ADAM12: variants seen among roughly 807,000 people sequenced by gnomAD.
ADAM12 encodes disintegrin and metalloproteinase domain-containing protein 12.
ADAM12 carries 70 observed loss-of-function variants against 106.4 expected under a neutral mutation model. The ratio of observed to expected loss-of-function variants is 0.66; its 90% confidence interval spans 0.54 to 0.80. ADAM12 has a LOEUF of 0.80. Among genes scored for constraint, ADAM12 ranks in the 30% least tolerant of loss-of-function variants. ADAM12 has a pLI of 0.00. For synonymous variants in ADAM12, 420 were observed against 433.5 expected (o/e 0.97, Z 0.39); for missense variants, 1,010 against 1,171.9 (o/e 0.86, Z 2.02).
chr10:126,373,721 C>G (rs1020866438), intron 1 of ADAM12, among the ~76,000 whole-genome samples: 12 of 152,160 alleles, frequency 7.9e-5, no homozygotes, highest in African/African-American at 2.4e-4. Context: ...AGCTAGAAAG[C>G]CTTTCTACTA....
intron 3 of ADAM12, among the ~76,000 whole-genome samples, chr10:126,229,056 C>T (rs1958256220): frequency 6.6e-6 from 1 of 152,138 alleles, no homozygotes; most frequent in East Asian, 1.9e-4. Context: ...AAGAGAAAAA[C>T]CTGAGATGAC....
chr10:126,014,931 A>G lies in ADAM12; in HGVS notation c.*2348T>C, dbSNP rs1202065928. 1.3e-5 allele frequency: 2 copies of G among 152,174 alleles called. No homozygotes were observed. The highest frequency in any genetic ancestry group is 4.8e-5 in the African/African-American group (2 of 41,432). The allele number at this position is 152,174 out of a possible 1,614,324, so 9.4% of individuals were successfully genotyped here. On this transcript the variant is annotated 3_prime_UTR_variant, in exon 23 of 23. Transcript: ENST00000448723. The stretch of plus-strand genomic sequence containing the variant: ...CCACCCCGTGCCTCCCCCAACCACA[A>G]AACACCCTGGTTATTGGTTCCTAAG...
intron 3 of ADAM12, among the ~76,000 whole-genome samples, chr10:126,174,936 T>C (rs527693623): frequency 2.4e-4 from 36 of 152,106 alleles, no homozygotes; most frequent in African/African-American, 8.7e-4. Context: ...GTTTGCATTT[T>C]TAGTAGGGAC....
chr10:126,199,080 G>A (rs903141263), intron 3 of ADAM12, among the ~76,000 whole-genome samples: 1 of 152,052 alleles, frequency 6.6e-6, no homozygotes, highest in Non-Finnish European at 1.5e-5. Context: ...TAGGAATAAG[G>A]AATTTAAGTT....
chr10:126,192,343 T>C (rs1328487646), intron 3 of ADAM12, among the ~76,000 whole-genome samples: 1 of 152,212 alleles, frequency 6.6e-6, no homozygotes, highest in Non-Finnish European at 1.5e-5. Context: ...GTTATAGTTA[T>C]TACTAACAAC....
At chr10:126,288,212 G>A (rs552337715) in intron 2 of ADAM12, among the ~76,000 whole-genome samples, 7 of 151,976 alleles carry the variant, frequency 4.6e-5, no homozygotes, top group African/African-American at 1.5e-4. Context: ...CCTGTACAAG[G>A]AGCAGGGAAA....
intron 4 of ADAM12, among the ~76,000 whole-genome samples, chr10:126,140,389 G>A (rs996270530): frequency 6.6e-6 from 1 of 152,168 alleles, no homozygotes; most frequent in Non-Finnish European, 1.5e-5. Flanking sequence ...AAGCTCGTTA[G>A]AGCATGAGCT....
At chr10:126,364,573 T>C (rs563308125) in intron 1 of ADAM12, among the ~76,000 whole-genome samples, 1 of 152,112 alleles carries the variant, frequency 6.6e-6, no homozygotes, top group Non-Finnish European at 1.5e-5. Flanking sequence ...GAAAAATAAC[T>C]AGAAAAATAA....
chr10:126,251,827 AGGAT>A (rs1958773461), intron 3 of ADAM12, among the ~76,000 whole-genome samples: 1 of 142,738 alleles, frequency 7.0e-6, no homozygotes, highest in African/African-American at 2.7e-5. Flanking sequence ...TGGGATGGAT[AGGAT>A]AGATGGATGA....
chr10:126,041,297 T>C (rs1326511769), intron 18 of ADAM12: 9 of 983,690 alleles, frequency 9.1e-6, no homozygotes, highest in African/African-American at 1.7e-5. Flanking sequence ...TGCTTGCTCA[T>C]GGCCTGCCTT....
At chr10:126,033,380 A>G (rs974541948) in intron 21 of ADAM12, among the ~76,000 whole-genome samples, 1 of 152,222 alleles carries the variant, frequency 6.6e-6, no homozygotes, top group Admixed American at 6.5e-5. Context: ...GAATAAGTAC[A>G]TTTCACCCTA....
Position 126,017,171 on chromosome 10 carries a change from T to C in ADAM12, c.*108A>G. On this transcript the variant is annotated 3_prime_UTR_variant, in exon 23 of 23. Coordinates refer to ENST00000448723, the MANE Select transcript of ADAM12 (RefSeq NM_001288973.2). ...TAGCTCAAAGTTCTTATAGTAATGA[T>C]GTTTTAAACATTAAAAAAAATCCTA... 1 of 982,800 alleles carries C rather than the reference T, an allele frequency of 1.0e-6. No individual in the cohort carries two copies. Among genetic ancestry groups the C allele is most frequent in the Non-Finnish European group, 1.5e-6 (1 of 655,256 alleles). 60.9% of individuals were successfully genotyped at this position (982,800 alleles called of 1,614,324 possible).
intron 2 of ADAM12, among the ~76,000 whole-genome samples, chr10:126,301,375 A>G (rs1960617059): frequency 6.6e-6 from 1 of 152,184 alleles, no homozygotes; most frequent in African/African-American, 2.4e-5. Context: ...ATGGAAGAAA[A>G]CTTGCCAAAA....
At chr10:126,365,946 C>T (rs1855895318) in intron 1 of ADAM12, among the ~76,000 whole-genome samples, 1 of 152,094 alleles carries the variant, frequency 6.6e-6, no homozygotes, top group Admixed American at 6.5e-5. Context: ...CTTTTAGATT[C>T]TAAAGTTTAT....
intron 11 of ADAM12, among the ~76,000 whole-genome samples, chr10:126,082,370 T>TTTTG (rs1955240312): frequency 7.0e-6 from 1 of 142,992 alleles, no homozygotes; most frequent in South Asian, 2.3e-4. Flanking sequence ...ACTGTTTTTT[T>TTTTG]TTTTTTTTTT....
chr10:126,081,098 A>G (rs7920391), intron 11 of ADAM12, among the ~76,000 whole-genome samples: 44,649 of 152,024 alleles, frequency 0.29, 6,734 homozygotes, highest in South Asian at 0.42. Flanking sequence ...GCTGGATTCA[A>G]GGGGGCTGCA....
chr10:126,317,436 T>G (rs777719019), intron 2 of ADAM12, among the ~76,000 whole-genome samples: 36 of 152,170 alleles, frequency 2.4e-4, no homozygotes, highest in African/African-American at 6.8e-4. Context: ...GAGTAAAAAG[T>G]GCATATGGCA....
At position 126,385,124 on chromosome 10, in the gene ADAM12, G is replaced by A. The variant is rs117741845; in HGVS notation, c.88+2934C>T. 7.2e-5 allele frequency among the ~76,000 whole-genome samples: 11 copies of A among 152,340 alleles called. 1 individual carries two copies. The East Asian group carries it at 1.7e-3, about 24-fold the overall frequency. ...TAGGGACACAGATGAAAAACAGTTG[G>A]AAGAGATGCAAAGGGCAGAGAATGT... On this transcript the variant is annotated intron_variant, in intron 1 of 22. Transcript: ENST00000448723.
chr10:126,243,083 C>T (rs2242387), intron 3 of ADAM12, among the ~76,000 whole-genome samples: 10,980 of 152,282 alleles, frequency 0.072, 505 homozygotes, highest in East Asian at 0.13. Flanking sequence ...CCTGTCAGCG[C>T]GTGCAGAGCA....
Sources: allele counts gnomAD v4.1 joint callset (sites outside exome capture counted in the v4.1 genomes callset), GRCh38; gene constraint gnomAD v4.1.1; transcripts MANE v1.5; gene names NCBI Gene and HGNC (gene_info 2026-07-23, HGNC 2026-07-21).